Variants in FOXD1 observed in about 807,000 individuals in gnomAD.
FOXD1 encodes the protein forkhead box protein D1.
A neutral mutation model predicts 2.0 loss-of-function variants in FOXD1; 4 were observed. The observed-to-expected ratio is 2.03, with a 90% CI of 1.00 to 4.64. The LOEUF is 4.64. Among genes scored for constraint, FOXD1 ranks in the 30% most tolerant of loss-of-function variants. The probability of loss-of-function intolerance (pLI) is 0.01; values close to 1 mark genes in which losing one functional copy is unlikely to be tolerated. For missense variants in FOXD1, 586 were observed against 647.6 expected (o/e 0.90, Z 1.03); for synonymous variants, 354 against 328.5 (o/e 1.08, Z -0.84).
rs1383211823 is a variant in FOXD1, at chr5:73,447,028, A to T, written c.1335T>A (p.Thr445=). 3.9e-6 allele frequency: 6 copies of T among 1,545,480 alleles called. No homozygotes were observed. In the East Asian group the frequency reaches 1.0e-4, roughly 26 times the overall value. The change falls in exon 1 of 1, where the codon ACT becomes ACA. Residue 445 remains threonine (T), a synonymous_variant. Coordinates refer to ENST00000615637, the MANE Select transcript of FOXD1 (RefSeq NM_004472.3). The surrounding 1 kb of genome is among the most constrained non-coding windows in gnomAD (Gnocchi z 7.8). Reference sequence around the variant, plus strand: ...TGGACAGGGCAGTCCCTTGGTGCAGAGTCCCCAAGGCGGCGGACGAGGAGA... The same window carrying T: ...TGGACAGGGCAGTCCCTTGGTGCAGTGTCCCCAAGGCGGCGGACGAGGAGA... ...SSVSSSAALG[T]LHQGTALSSV...
rs1745555613 is a variant in FOXD1 at position 73,448,443 on chromosome 5, G to T, written c.-81C>A. ...CTCTGCGCCCCAGCCCGGGTCCCGG[G>T]CGGCAGGCCCGGCCGGGGGGCGCCA... On this transcript the variant is annotated 5_prime_UTR_variant, in exon 1 of 1. Transcript: ENST00000615637. 4 of 944,960 alleles carry T rather than the reference G, an allele frequency of 4.2e-6. No individual in the cohort carries two copies. The allele number at this position is 944,960 out of a possible 1,614,324, so 58.5% of individuals were successfully genotyped here.
chr5:73,448,225 C>T lies in FOXD1; in HGVS notation c.138G>A (p.Leu46=), dbSNP rs1401128196. 4.1e-6 allele frequency: 6 copies of T among 1,480,658 alleles called. No individual in the cohort carries two copies. The highest frequency in any genetic ancestry group is 5.8e-5 in the East Asian group (2 of 34,668). The allele number at this position is 1,480,658 out of a possible 1,614,324, so 91.7% of individuals were successfully genotyped here. The part of the protein sequence containing the change: ...DDEGGGGGPR[L]AVPAQRRRRR... ...GCCGCCGCCGCTGCGCGGGGACAGCCAGCCGGGGCCCGCCACCGCCGCCCT... is the reference window on the plus strand; with the variant it reads ...GCCGCCGCCGCTGCGCGGGGACAGCTAGCCGGGGCCCGCCACCGCCGCCCT... Residue 46 remains leucine, a synonymous_variant, in exon 1 of 1, where the codon CTG becomes CTA. Transcript: ENST00000615637.
rs1421728903 is a variant in FOXD1 at position 73,447,425 on chromosome 5, G to C, written c.938C>G (p.Pro313Arg). The C allele has an allele frequency of 3.1e-4, 300 of 983,534 alleles. No homozygotes were observed. The highest frequency in any genetic ancestry group is 3.5e-4 in the Non-Finnish European group (294 of 830,284). The allele number at this position is 983,534 out of a possible 1,614,324, so 60.9% of individuals were successfully genotyped here. ...CTCGGCGGCCGCGCCGTGCGGTGGC[G>C]GGGGCGGCGGGGGCGAGTGCGGGTG... Reference protein sequence around the residue: ...AFHPHSPPPPPPPHGAAAELA... With the variant: ...AFHPHSPPPPRPPHGAAAELA... Residue 313 changes from proline (P) to arginine (R), a missense_variant, in exon 1 of 1, where the codon CCG (proline) becomes CGG (arginine). Physicochemically the swap from Pro to Arg is moderately radical, Grantham distance 103. Coordinates refer to ENST00000615637, the MANE Select transcript of FOXD1 (RefSeq NM_004472.3). This position sits in a 1 kb window ranked among gnomAD's most constrained non-coding sequence, Gnocchi z 7.8.
chr5:73,448,144 G>GTCCTCCTCCTCCTCCAGA lies in FOXD1; in HGVS notation c.201_218dup (p.Leu68_Asp73dup). Reference sequence around the variant, plus strand: ...GCGGGGCCAGCAGGATGTCATCGTCGTCCTCCTCCTCCTCCAGATCCTCCA... The same window carrying GTCCTCCTCCTCCTCCAGA: ...GCGGGGCCAGCAGGATGTCATCGTCGTCCTCCTCCTCCTCCAGATCCTCCTCCTCCTCCAGATCCTCCA... On this transcript the variant is annotated inframe_insertion, in exon 1 of 1. Coordinates refer to ENST00000615637, the MANE Select transcript of FOXD1 (RefSeq NM_004472.3). 7.2e-7 allele frequency: 1 copy of GTCCTCCTCCTCCTCCAGA among 1,388,010 alleles called. No homozygotes were observed. Among genetic ancestry groups the GTCCTCCTCCTCCTCCAGA allele is most frequent in the Non-Finnish European group, 9.4e-7 (1 of 1,062,568 alleles). The allele number at this position is 1,388,010 out of a possible 1,614,324, so 86.0% of individuals were successfully genotyped here.
rs1460341741 is a variant in FOXD1 at position 73,446,704 on chromosome 5, G to C, written c.*261C>G. 1 of 406,426 alleles carries C rather than the reference G, an allele frequency of 2.5e-6. No homozygotes were observed. Among genetic ancestry groups the C allele is most frequent in the African/African-American group, 2.1e-5 (1 of 46,960 alleles). The allele number at this position is 406,426 out of a possible 1,614,324, so 25.2% of individuals were successfully genotyped here. A position where few individuals can be genotyped will look rare whatever the true frequency, so the allele number is the denominator to read the frequency against. On this transcript the variant is annotated 3_prime_UTR_variant, in exon 1 of 1. Transcript: ENST00000615637. Reference sequence around the variant, plus strand: ...CTGGACAGGGCGGACTCCCTTCCCCGGCACCCTCTTCCTCCCTACCCCAGG... The same window carrying C: ...CTGGACAGGGCGGACTCCCTTCCCCCGCACCCTCTTCCTCCCTACCCCAGG...
Position 73,447,226 on chromosome 5 carries a change from GGCGGCA to G in FOXD1, c.1131_1136del (p.Ala381_Ala382del). ...CGGCGGCGGCGGCCTGCGCGGCGGC[GGCGGCA>G]GCGGCGGCCGGGCCCAAGCTGCCCC... On this transcript the variant is annotated inframe_deletion, in exon 1 of 1. Transcript: ENST00000615637. This position sits in a 1 kb window ranked among gnomAD's most constrained non-coding sequence, Gnocchi z 7.8. 1.3e-5 allele frequency: 13 copies of G among 988,294 alleles called. No homozygotes were observed. Among genetic ancestry groups the G allele is most frequent in the Non-Finnish European group, 1.6e-5 (13 of 834,294 alleles). The allele number at this position is 988,294 out of a possible 1,614,324, so 61.2% of individuals were successfully genotyped here.
Position 73,447,791 on chromosome 5 carries a change from C to T in FOXD1, c.572G>A (p.Gly191Asp). 2 of 1,610,834 alleles carry T rather than the reference C, an allele frequency of 1.2e-6. No homozygotes were observed. The highest frequency in any genetic ancestry group is 1.7e-6 in the Non-Finnish European group (2 of 1,178,532). Residue 191 changes from glycine (G) to aspartate (D), a missense_variant, in exon 1 of 1, where the codon GGC becomes GAC. Gly to Asp is a moderately conservative substitution (Grantham distance 94). Coordinates refer to ENST00000615637, the MANE Select transcript of FOXD1 (RefSeq NM_004472.3). The surrounding 1 kb of genome is among the most constrained non-coding windows in gnomAD (Gnocchi z 7.8). Reference protein sequence around the residue: ...DCFVKIPREPGNPGKGNYWTL... With the variant: ...DCFVKIPREPDNPGKGNYWTL... ...CCAGTAGTTGCCCTTGCCCGGGTTG[C>T]CGGGCTCGCGGGGGATCTTGACGAA...
chr5:73,448,126 C>T lies in FOXD1; in HGVS notation c.237G>A (p.Leu79=), dbSNP rs552853109. Residue 79 remains leucine (L), a synonymous_variant, in exon 1 of 1, where the codon CTG becomes CTA. Coordinates refer to ENST00000615637, the MANE Select transcript of FOXD1 (RefSeq NM_004472.3). ...CCGGGGAGCCCCCAGCAGGCGGGGC[C>T]AGCAGGATGTCATCGTCGTCCTCCT... ...EEEEDDDDIL[L]APPAGGSPAP... The T allele has an allele frequency of 3.9e-3, 5,294 of 1,341,370 alleles. 24 individuals carry two copies. Among genetic ancestry groups the T allele is most frequent in the South Asian group, 0.012 (781 of 62,554 alleles). The allele number at this position is 1,341,370 out of a possible 1,614,324, so 83.1% of individuals were successfully genotyped here.
rs566177108 is a variant in FOXD1, at chr5:73,446,744, G to A, written c.*221C>T. On this transcript the variant is annotated 3_prime_UTR_variant, in exon 1 of 1. Coordinates refer to ENST00000615637, the MANE Select transcript of FOXD1 (RefSeq NM_004472.3). ...CCTACCCCAGGTCGGGGGTTGGGGGGCTGTAGCATAGGTCGGCTTTGCATA... is the reference window on the plus strand; with the variant it reads ...CCTACCCCAGGTCGGGGGTTGGGGGACTGTAGCATAGGTCGGCTTTGCATA... The A allele has an allele frequency of 7.1e-5, 34 of 478,464 alleles. No homozygotes were observed. Among genetic ancestry groups the A allele is most frequent in the South Asian group, 1.0e-4 (5 of 48,826 alleles). The allele number at this position is 478,464 out of a possible 1,614,324, so 29.6% of individuals were successfully genotyped here. A position where few individuals can be genotyped will look rare whatever the true frequency, so the allele number is the denominator to read the frequency against.
rs1745546732 is a variant in FOXD1, at chr5:73,448,190, G to C, written c.173C>G (p.Ser58Trp). The C allele has an allele frequency of 2.3e-5, 34 of 1,447,498 alleles. No individual in the cohort carries two copies. The highest frequency in any genetic ancestry group is 3.1e-5 in the Non-Finnish European group (34 of 1,094,072). 89.7% of individuals were successfully genotyped at this position (1,447,498 alleles called of 1,614,324 possible). The change falls in exon 1 of 1, where the codon TCG becomes TGG. Residue 58 changes from serine (S) to tryptophan (W), a missense_variant. This residue lies in a region of FOXD1 where 183 missense variants were observed against 159.2 expected (regional missense o/e 1.15). Transcript: ENST00000615637. Reference protein sequence around the residue: ...VPAQRRRRRRSYAGEDELEDL... With the variant: ...VPAQRRRRRRWYAGEDELEDL... ...CTCCAGCTCGTCCTCCCCGGCGTAC[G>C]AGCGCCGCCGCCGCCGCCGCTGCGC... is the stretch of plus-strand genomic sequence containing the variant.
At position 73,447,364 on chromosome 5, in the gene FOXD1, C is replaced by T. The variant is rs1247617932; in HGVS notation, c.999G>A (p.Pro333=). Reference sequence around the variant, plus strand: ...GGGGGCCGGGTAGGGCGGCGCCGAGCGGGTGCGGCCGGTAGCCGAAGGCGG... The same window carrying T: ...GGGGGCCGGGTAGGGCGGCGCCGAGTGGGTGCGGCCGGTAGCCGAAGGCGG... ...ARTAFGYRPH[P]LGAALPGPLP... Residue 333 remains proline, a synonymous_variant, in exon 1 of 1, where the codon CCG becomes CCA. Coordinates refer to ENST00000615637, the MANE Select transcript of FOXD1 (RefSeq NM_004472.3). The surrounding 1 kb of genome is among the most constrained non-coding windows in gnomAD (Gnocchi z 7.8). 1 of 982,680 alleles carries T rather than the reference C, an allele frequency of 1.0e-6. No individual in the cohort carries two copies. Among genetic ancestry groups the T allele is most frequent in the Non-Finnish European group, 1.2e-6 (1 of 829,706 alleles). 60.9% of individuals were successfully genotyped at this position (982,680 alleles called of 1,614,324 possible).
At position 73,447,268 on chromosome 5, in the gene FOXD1, C is replaced by G. The variant is rs1470560893; in HGVS notation, c.1095G>C (p.Glu365Asp). The change falls in exon 1 of 1, where the codon GAG (glutamate) becomes GAC (aspartate). Residue 365 changes from glutamate (E) to aspartate (D), a missense_variant. By Grantham distance (45) the Glu-to-Asp change is conservative. Around this residue, in one of 4 missense-constraint regions of FOXD1, gnomAD observed 253 missense variants for 234.4 expected, o/e 1.08. Coordinates refer to ENST00000615637, the MANE Select transcript of FOXD1 (RefSeq NM_004472.3). The surrounding 1 kb of genome is among the most constrained non-coding windows in gnomAD (Gnocchi z 7.8). ...GGCCCAAGCTGCCCCCGATGATGCTCTCGATGGAGAAGGGCGAGCGCGCCA... is the reference window on the plus strand; with the variant it reads ...GGCCCAAGCTGCCCCCGATGATGCTGTCGATGGAGAAGGGCGAGCGCGCCA... ...SALARSPFSI[E>D]SIIGGSLGPA... The G allele has an allele frequency of 2.0e-6, 2 of 991,050 alleles. No individual in the cohort carries two copies. Among genetic ancestry groups the G allele is most frequent in the African/African-American group, 1.8e-5 (1 of 56,562 alleles). The allele number at this position is 991,050 out of a possible 1,614,324, so 61.4% of individuals were successfully genotyped here.
chr5:73,448,199 C>T lies in FOXD1; in HGVS notation c.164G>A (p.Arg55Gln). 1 of 1,455,238 alleles carries T rather than the reference C, an allele frequency of 6.9e-7. No homozygotes were observed. The highest frequency in any genetic ancestry group is 9.1e-7 in the Non-Finnish European group (1 of 1,098,208). The allele number at this position is 1,455,238 out of a possible 1,614,324, so 90.1% of individuals were successfully genotyped here. Residue 55 changes from arginine (R) to glutamine (Q), a missense_variant, in exon 1 of 1, where the codon CGG becomes CAG. Physicochemically the swap from Arg to Gln is conservative, Grantham distance 43. This residue lies in a region of FOXD1 where 183 missense variants were observed against 159.2 expected (regional missense o/e 1.15). Coordinates refer to ENST00000615637, the MANE Select transcript of FOXD1 (RefSeq NM_004472.3). ...RLAVPAQRRR[R>Q]RRSYAGEDEL... ...GTCCTCCCCGGCGTACGAGCGCCGC[C>T]GCCGCCGCCGCTGCGCGGGGACAGC...
rs1366694440 is a variant in FOXD1 at position 73,446,673 on chromosome 5, T to G, written c.*292A>C. 2.8e-6 allele frequency: 1 copy of G among 354,600 alleles called. No individual in the cohort carries two copies. The highest frequency in any genetic ancestry group is 5.2e-6 in the Non-Finnish European group (1 of 191,648). 22.0% of individuals were successfully genotyped at this position (354,600 alleles called of 1,614,324 possible). A position where few individuals can be genotyped will look rare whatever the true frequency, so the allele number is the denominator to read the frequency against. On this transcript the variant is annotated 3_prime_UTR_variant, in exon 1 of 1. Coordinates refer to ENST00000615637, the MANE Select transcript of FOXD1 (RefSeq NM_004472.3). ...ATCTGCCAAACGTCAAGGGAGCCTC[T>G]AGTGCCTGGACAGGGCGGACTCCCT... is the stretch of plus-strand genomic sequence containing the variant.
Position 73,446,855 on chromosome 5 carries a change from G to C in FOXD1, c.*110C>G. 2 of 942,564 alleles carry C rather than the reference G, an allele frequency of 2.1e-6. No homozygotes were observed. Among genetic ancestry groups the C allele is most frequent in the Non-Finnish European group, 3.1e-6 (2 of 634,976 alleles). 58.4% of individuals were successfully genotyped at this position (942,564 alleles called of 1,614,324 possible). A position where few individuals can be genotyped will look rare whatever the true frequency, so the allele number is the denominator to read the frequency against. The stretch of plus-strand genomic sequence containing the variant: ...TTCGCAGCGGCGAAAATGGGCGCGC[G>C]AGGTCGAGAGGGGCCGCGCCTGGAG... On this transcript the variant is annotated 3_prime_UTR_variant, in exon 1 of 1. Coordinates refer to ENST00000615637, the MANE Select transcript of FOXD1 (RefSeq NM_004472.3).
At position 73,447,087 on chromosome 5, in the gene FOXD1, G is replaced by A. The variant is rs745602386; in HGVS notation, c.1276C>T (p.Leu426Phe). 4.4e-5 allele frequency: 64 copies of A among 1,469,504 alleles called. 1 individual carries two copies. Among genetic ancestry groups the A allele is most frequent in the South Asian group, 1.3e-5 (1 of 77,778 alleles). The allele number at this position is 1,469,504 out of a possible 1,614,324, so 91.0% of individuals were successfully genotyped here. A position where few individuals can be genotyped will look rare whatever the true frequency, so the allele number is the denominator to read the frequency against. The change falls in exon 1 of 1, where the codon CTC becomes TTC. Residue 426 changes from leucine (L) to phenylalanine (F), a missense_variant. By Grantham distance (22) the Leu-to-Phe change is conservative (BLOSUM62 0). Coordinates refer to ENST00000615637, the MANE Select transcript of FOXD1 (RefSeq NM_004472.3). This position sits in a 1 kb window ranked among gnomAD's most constrained non-coding sequence, Gnocchi z 7.8. ...VGPAAALTRS[L>F]VAAAAAAASS... Reference sequence around the variant, plus strand: ...GCGGCGGCGGCCGCGGCGGCCACGAGGGATCGGGTGAGCGCGGCCGCCGGG... The same window carrying A: ...GCGGCGGCGGCCGCGGCGGCCACGAAGGATCGGGTGAGCGCGGCCGCCGGG...
In FOXD1 at chr5:73,448,097, G is replaced by A. The variant is rs1218542043; in HGVS notation, c.266C>T (p.Pro89Leu). Residue 89 changes from proline (P) to leucine (L), a missense_variant, in exon 1 of 1, where the codon CCC becomes CTC. By Grantham distance (98) the Pro-to-Leu change is moderately conservative. Coordinates refer to ENST00000615637, the MANE Select transcript of FOXD1 (RefSeq NM_004472.3). Reference sequence around the variant, plus strand: ...CCCCGCCGCCGGGGCCGGGCCCGGGGGCGCCGGGGAGCCCCCAGCAGGCGG... The same window carrying A: ...CCCCGCCGCCGGGGCCGGGCCCGGGAGCGCCGGGGAGCCCCCAGCAGGCGG... ...LAPPAGGSPAPPGPAPAAGAG... is the reference protein window; with the variant it reads ...LAPPAGGSPALPGPAPAAGAG... 7 of 1,155,474 alleles carry A rather than the reference G, an allele frequency of 6.1e-6. No homozygotes were observed. Among genetic ancestry groups the A allele is most frequent in the Non-Finnish European group, 7.5e-6 (7 of 938,090 alleles). 71.6% of individuals were successfully genotyped at this position (1,155,474 alleles called of 1,614,324 possible).
rs1336456519 is a variant in FOXD1, at chr5:73,447,805, G to T, written c.558C>A (p.Ile186=). Residue 186 remains isoleucine (I), a synonymous_variant, in exon 1 of 1, where the codon ATC becomes ATA. Coordinates refer to ENST00000615637, the MANE Select transcript of FOXD1 (RefSeq NM_004472.3). The surrounding 1 kb of genome is among the most constrained non-coding windows in gnomAD (Gnocchi z 7.8). ...TGCCCGGGTTGCCGGGCTCGCGGGG[G>T]ATCTTGACGAAGCAGTCGTTGAGCG... ...NLSLNDCFVK[I]PREPGNPGKG... is the part of the protein sequence containing the mutation. 2.5e-6 allele frequency: 4 copies of T among 1,610,452 alleles called. No individual in the cohort carries two copies. The highest frequency in any genetic ancestry group is 2.5e-6 in the Non-Finnish European group (3 of 1,178,402).
chr5:73,448,054 G>A lies in FOXD1; in HGVS notation c.309C>T (p.Gly103=), dbSNP rs886774756. ...CGCCGCCCGCGCCGCCGCCGCCGCCGCCCCCACCGGCTCCTGCCCCCGCCG... is the reference window on the plus strand; with the variant it reads ...CGCCGCCCGCGCCGCCGCCGCCGCCACCCCCACCGGCTCCTGCCCCCGCCG... ...APAAGAGAGG[G]GGGGGAGGGG... is the part of the protein sequence containing the mutation. The change falls in exon 1 of 1, where the codon GGC becomes GGT. Residue 103 remains glycine (G), a synonymous_variant. Transcript: ENST00000615637. 1.6e-6 allele frequency: 2 copies of A among 1,213,732 alleles called. No individual in the cohort carries two copies. Among genetic ancestry groups the A allele is most frequent in the South Asian group, 3.2e-5 (1 of 31,636 alleles). 75.2% of individuals were successfully genotyped at this position (1,213,732 alleles called of 1,614,324 possible).
Sources: gnomAD v4.1 joint callset for allele counts on GRCh38, gnomAD v4.1.1 for gene constraint, gnomAD v4.1.1 regional missense constraint, Gnocchi (gnomAD v3.1) non-coding constraint, MANE v1.5 for transcripts, NCBI Gene and HGNC (gene_info 2026-07-23, HGNC 2026-07-21) for gene names.